Variants in MALRD1 observed in about 807,000 individuals in gnomAD.
MALRD1 encodes MAM and LDL receptor class A domain containing 1.
MALRD1 carries 247 observed loss-of-function variants against 242.1 expected under a neutral mutation model. The ratio of observed to expected loss-of-function variants is 1.02; its 90% CI spans 0.92 to 1.13. The LOEUF is 1.13. MALRD1 is among the 50% of genes most tolerant of loss of function. The pLI is 0.00. For synonymous variants in MALRD1, 995 were observed against 866.6 expected (o/e 1.15, Z -2.60); for missense variants, 2,989 against 2,533.1 (o/e 1.18, Z -3.86).
At chr10:19,253,251 A>T (rs903289475) in intron 18 of MALRD1, among the ~76,000 whole-genome samples, 1 of 152,002 alleles carries the variant, frequency 6.6e-6, no homozygotes, top group Non-Finnish European at 1.5e-5. Context: ...TCATAGCTGA[A>T]TTGAAGAATA....
chr10:19,731,119 T>C (rs1196477595), intron 39 of MALRD1, among the ~76,000 whole-genome samples: 1 of 152,210 alleles, frequency 6.6e-6, no homozygotes, highest in African/African-American at 2.4e-5. Flanking sequence ...ACAGTAACTA[T>C]TCATTGAATG....
intron 32 of MALRD1, among the ~76,000 whole-genome samples, chr10:19,550,125 A>G (rs911634122): frequency 6.6e-6 from 1 of 152,166 alleles, no homozygotes; most frequent in Admixed American, 6.6e-5. Context: ...AAAAGACAAC[A>G]GTGATCTATT....
chr10:19,734,282 A>G lies in MALRD1; in HGVS notation c.*45A>G. On this transcript the variant is annotated 3_prime_UTR_variant, in exon 40 of 40. Coordinates refer to ENST00000454679, the MANE Select transcript of MALRD1 (RefSeq NM_001142308.3). Reference sequence around the variant, plus strand: ...GATCCAACATGTGTAGTTTCTAGAAAATTGAAGTCTCCACAATCTGATAGA... The same window carrying G: ...GATCCAACATGTGTAGTTTCTAGAAGATTGAAGTCTCCACAATCTGATAGA... 6.9e-7 allele frequency: 1 copy of G among 1,458,576 alleles called. No homozygotes were observed. The highest frequency in any genetic ancestry group is 9.3e-7 in the Non-Finnish European group (1 of 1,078,154). The allele number at this position is 1,458,576 out of a possible 1,614,324, so 90.4% of individuals were successfully genotyped here.
intron 22 of MALRD1, among the ~76,000 whole-genome samples, chr10:19,325,007 T>G (rs1256518295): frequency 5.2e-5 from 1 of 19,258 alleles, no homozygotes; most frequent in Non-Finnish European, 1.7e-4. Context: ...CAGTAGTTGC[T>G]TTTTTTTTTT....
At chr10:19,605,460 G>A (rs1375912800) in intron 34 of MALRD1, among the ~76,000 whole-genome samples, 3 of 149,472 alleles carry the variant, frequency 2.0e-5, no homozygotes, top group East Asian at 2.0e-4. Flanking sequence ...GAGCCACTGC[G>A]CCTGGACCAG....
chr10:19,329,177 G>C (rs1485433209), intron 23 of MALRD1, among the ~76,000 whole-genome samples: 2 of 152,122 alleles, frequency 1.3e-5, no homozygotes, highest in East Asian at 3.9e-4. Context: ...GCTGTTTTAT[G>C]TGTGATTTCT....
chr10:19,477,992 C>G (rs1013223979), intron 29 of MALRD1, among the ~76,000 whole-genome samples: 4 of 152,142 alleles, frequency 2.6e-5, no homozygotes, highest in Admixed American at 6.5e-5. Flanking sequence ...TTCGCCTGTG[C>G]AAGCTTCTAG....
intron 23 of MALRD1, among the ~76,000 whole-genome samples, chr10:19,329,797 C>A (rs534314952): frequency 6.6e-6 from 1 of 152,134 alleles, no homozygotes; most frequent in South Asian, 2.1e-4. Flanking sequence ...TTTTTAATAA[C>A]AGTTAATCAC....
At chr10:19,207,971 C>T (rs1256019387) in intron 17 of MALRD1, among the ~76,000 whole-genome samples, 1 of 152,154 alleles carries the variant, frequency 6.6e-6, no homozygotes, top group African/African-American at 2.4e-5. Flanking sequence ...TACAATCGAT[C>T]TGATAACTGA....
At chr10:19,454,405 G>GATATGTATATATATATATATATAT (rs1835509812) in intron 29 of MALRD1, among the ~76,000 whole-genome samples, 1 of 80,558 alleles carries the variant, frequency 1.2e-5, no homozygotes, top group South Asian at 4.0e-4. Context: ...TTATGCATAT[G>GATATGTATATATATATATATATAT]ATATATATAT....
intron 36 of MALRD1, among the ~76,000 whole-genome samples, chr10:19,661,457 A>G (rs1841429454): frequency 6.6e-6 from 1 of 152,158 alleles, no homozygotes; most frequent in African/African-American, 2.4e-5. Flanking sequence ...ATGCAGCCAT[A>G]AAAAAAGATG....
chr10:19,685,749 G>T (rs1589398876), intron 36 of MALRD1, among the ~76,000 whole-genome samples: 1 of 152,290 alleles, frequency 6.6e-6, no homozygotes, highest in East Asian at 1.9e-4. Context: ...AAAGCTGGAT[G>T]CTTCCTGTTT....
intron 12 of MALRD1, among the ~76,000 whole-genome samples, chr10:19,161,660 A>G (rs34129683): frequency 0.2 from 29,726 of 151,536 alleles, 3,467 homozygotes; most frequent in East Asian, 0.32. Context: ...GTTTAATGCA[A>G]CATTCTGGGA....
intron 4 of MALRD1, among the ~76,000 whole-genome samples, chr10:19,096,477 A>C (rs1836038579): frequency 6.6e-6 from 1 of 151,792 alleles, no homozygotes; most frequent in African/African-American, 2.4e-5. Context: ...AAACCATACG[A>C]CTCTCTCGGG....
At position 19,505,504 on chromosome 10, in the gene MALRD1, A is replaced by G. The variant is rs113516437; in HGVS notation, c.5320+6858A>G. ...AAGCCAAGGAAAGAGGCCTCAGGAG[A>G]AATCAGATCTCCTGGCACCTTGGTC... is the stretch of plus-strand genomic sequence containing the variant. On this transcript the variant is annotated intron_variant, in intron 31 of 39. Transcript: ENST00000454679. 8.1e-3 allele frequency among the ~76,000 whole-genome samples: 1,228 copies of G among 152,296 alleles called. 20 individuals carry two copies. The highest frequency in any genetic ancestry group is 0.029 in the South Asian group (139 of 4,818).
intron 36 of MALRD1, among the ~76,000 whole-genome samples, chr10:19,623,629 A>G (rs920462086): frequency 1.3e-5 from 2 of 152,138 alleles, no homozygotes; most frequent in Non-Finnish European, 2.9e-5. Flanking sequence ...TGGCTGGTGT[A>G]CATCCAAACT....
chr10:19,061,340 C>A (rs546028048), intron 1 of MALRD1, among the ~76,000 whole-genome samples: 34 of 152,270 alleles, frequency 2.2e-4, no homozygotes, highest in African/African-American at 7.9e-4. Context: ...ATATTGCTAA[C>A]ATTTCAGTAC....
chr10:19,179,590 C>A (rs1293109734), intron 14 of MALRD1, among the ~76,000 whole-genome samples: 1 of 151,998 alleles, frequency 6.6e-6, no homozygotes, highest in Non-Finnish European at 1.5e-5. Context: ...TGCATTACAG[C>A]CTGGGTGACA....
intron 12 of MALRD1, among the ~76,000 whole-genome samples, chr10:19,158,210 TGTAA>T (rs774447124): frequency 3.9e-5 from 6 of 152,242 alleles, no homozygotes; most frequent in Non-Finnish European, 7.3e-5. Flanking sequence ...TGAGTTACTG[TGTAA>T]GTAACACAAT....
Sources: allele counts gnomAD v4.1 joint callset (sites outside exome capture counted in the v4.1 genomes callset), GRCh38; gene constraint gnomAD v4.1.1; transcripts MANE v1.5; gene names NCBI Gene and HGNC (gene_info 2026-07-23, HGNC 2026-07-21).